HEATR1: variants seen among roughly 807,000 people sequenced by gnomAD.
HEATR1 encodes the protein HEAT repeat containing 1, also known as HEAT repeat-containing protein 1.
Under a neutral mutation model 248.2 loss-of-function variants are expected in HEATR1, and 77 were observed. The ratio of observed to expected loss-of-function variants is 0.31; its 90% confidence interval spans 0.26 to 0.37. The LOEUF (loss-of-function observed/expected upper bound fraction) is 0.37, where lower values mean the gene tolerates loss of function less well. HEATR1 is among the 10% of genes least tolerant of loss of function. The pLI, the probability that HEATR1 is intolerant of heterozygous loss-of-function variation, is 1.00. For missense variants in HEATR1, 2,420 were observed against 2,504.9 expected, an observed-to-expected ratio of 0.97 and a Z score of 0.72; for synonymous variants, 897 against 923.1, an observed-to-expected ratio of 0.97 and a Z score of 0.51.
Position 236,549,056 on chromosome 1 carries a change from C to T in HEATR1, c.*1846G>A. ...ACAAAGTAAGGTCAGGATTAGACTT[C>T]AGGCATTCATAAGGCAGGCACTATC... On this transcript the variant is annotated 3_prime_UTR_variant, in exon 45 of 45. Coordinates refer to ENST00000366582, the MANE Select transcript of HEATR1 (RefSeq NM_018072.6). 1 of 398,542 alleles carries T rather than the reference C, an allele frequency of 2.5e-6. No individual in the cohort carries two copies. The highest frequency in any genetic ancestry group is 1.3e-4 in the South Asian group (1 of 7,852). The allele number at this position is 398,542 out of a possible 1,614,324, so 24.7% of individuals were successfully genotyped here. A position where few individuals can be genotyped will look rare whatever the true frequency, so the allele number is the denominator to read the frequency against.
At chr1:236,561,342 A>G in intron 32 of HEATR1, 71 bp from the exon 33 acceptor site, 1 of 1,224,180 alleles carries the variant, frequency 8.2e-7, no homozygotes, top group Non-Finnish European at 1.2e-6. Flanking sequence ...AGTCAGTTCA[A>G]TGAAACTCGG....
intron 41 of HEATR1, among the ~76,000 whole-genome samples, chr1:236,554,955 A>G (rs930030792): frequency 2.6e-5 from 4 of 152,080 alleles, no homozygotes; most frequent in Non-Finnish European, 5.9e-5. Context: ...TCTAACACTC[A>G]CTCTGGCAAG....
At position 236,554,702 on chromosome 1, in the gene HEATR1, A is replaced by G. The variant is rs543980783; in HGVS notation, c.5974T>C (p.Leu1992=). 2.7e-5 allele frequency: 44 copies of G among 1,613,538 alleles called. No homozygotes were observed. The highest frequency in any genetic ancestry group is 7.7e-5 in the South Asian group (7 of 90,822). ...ENDPEKCCLL[L]QFILNCLYKI... ...TATAAACAGTTCAAAATAAACTGCA[A>G]CAGCAAGCAGCACTTTTCAGGGTCA... Residue 1992 remains leucine (L), a synonymous_variant, in exon 42 of 45, where the codon TTG becomes CTG. Coordinates refer to ENST00000366582, the MANE Select transcript of HEATR1 (RefSeq NM_018072.6).
Position 236,587,404 on chromosome 1 carries a change from T to C in HEATR1, c.1713A>G (p.Glu571=). Residue 571 remains glutamate, a splice_region_variant and synonymous_variant, in exon 14 of 45, where the codon GAA becomes GAG. Coordinates refer to ENST00000366582, the MANE Select transcript of HEATR1 (RefSeq NM_018072.6). ...FQRAELSKNG[E]WYEVLKIAAD... is the part of the protein sequence containing the mutation. The stretch of plus-strand genomic sequence containing the variant: ...TATGAGGAGAAATGAATACATACCA[T>C]TCTCCATTCTTTGAAAGTTCTGCTC... 6.8e-7 allele frequency: 1 copy of C among 1,470,558 alleles called. No individual in the cohort carries two copies. 91.1% of individuals were successfully genotyped at this position (1,470,558 alleles called of 1,614,324 possible). A position where few individuals can be genotyped will look rare whatever the true frequency, so the allele number is the denominator to read the frequency against.
chr1:236,600,829 C>G (rs1230467787), intron 3 of HEATR1, among the ~76,000 whole-genome samples: 1 of 152,216 alleles, frequency 6.6e-6, no homozygotes, highest in Admixed American at 6.5e-5. Context: ...GCCACTGAAC[C>G]CAGCCTCTTA....
intron 23 of HEATR1, 66 bp from the exon 24 acceptor site, chr1:236,574,399 A>G (rs1558184199): frequency 1.3e-6 from 2 of 1,498,196 alleles, no homozygotes; most frequent in Non-Finnish European, 9.1e-7. Context: ...AATAATTTTT[A>G]TATCAACCTC....
intron 35 of HEATR1, 85 bp downstream of exon 35, chr1:236,558,910 C>T (rs887401136): frequency 1.3e-5 from 15 of 1,138,868 alleles, no homozygotes; most frequent in Non-Finnish European, 2.5e-6. Context: ...TGAAATTGTA[C>T]CACTAGAGAA....
chr1:236,582,900 G>A (rs1177693763), intron 18 of HEATR1, 28 bp from the exon 19 acceptor site: 5 of 1,611,990 alleles, frequency 3.1e-6, no homozygotes, highest in Non-Finnish European at 4.2e-6. Context: ...GAGAAATGAT[G>A]CTAGATCCTA....
chr1:236,604,110 G>A lies in HEATR1; in HGVS notation c.-15C>T. 1.9e-6 allele frequency: 3 copies of A among 1,545,882 alleles called. No homozygotes were observed. The highest frequency in any genetic ancestry group is 4.8e-5 in the East Asian group (2 of 41,880). On this transcript the variant is annotated 5_prime_UTR_variant, in exon 2 of 45. Coordinates refer to ENST00000366582, the MANE Select transcript of HEATR1 (RefSeq NM_018072.6). Reference sequence around the variant, plus strand: ...AAGGACGTCATCTTTCACGCCAGCGGAGTTTTAATGACACGGGCTAAAAAA... The same window carrying A: ...AAGGACGTCATCTTTCACGCCAGCGAAGTTTTAATGACACGGGCTAAAAAA...
intron 3 of HEATR1, among the ~76,000 whole-genome samples, chr1:236,600,241 C>T (rs1558193978): frequency 6.7e-6 from 1 of 149,918 alleles, no homozygotes; most frequent in African/African-American, 2.5e-5. Context: ...ATTCTCCTGC[C>T]TCCGCCTCCC....
In HEATR1 at chr1:236,590,865, C is replaced by A; in HGVS notation, c.1512G>T (p.Lys504Asn). ...VRILAMNHLK[K>N]IMKTSKEGVD... ...AACAAACCTTTGATGTTTTCATGAT[C>A]TTTTTCAAATGATTCATGGCCAGAA... The change falls in exon 12 of 45, where the codon AAG (lysine) becomes AAT (asparagine). Residue 504 changes from lysine to asparagine, a missense_variant. Lys to Asn is a moderately conservative substitution (Grantham distance 94). Transcript: ENST00000366582. The A allele has an allele frequency of 1.3e-6, 2 of 1,506,276 alleles. No homozygotes were observed. The highest frequency in any genetic ancestry group is 8.9e-7 in the Non-Finnish European group (1 of 1,118,206). The allele number at this position is 1,506,276 out of a possible 1,614,324, so 93.3% of individuals were successfully genotyped here.
intron 32 of HEATR1, 140 bp from the exon 33 acceptor site, chr1:236,561,411 C>T (rs1663129701): frequency 1.4e-6 from 1 of 707,604 alleles, no homozygotes; most frequent in South Asian, 1.7e-5. Context: ...TAATCAGGTT[C>T]ATATCATCTT....
At position 236,572,708 on chromosome 1, in the gene HEATR1, G is replaced by C. The variant is rs201586092; in HGVS notation, c.3563+17C>G. 2.5e-4 allele frequency: 404 copies of C among 1,609,348 alleles called. 2 individuals are homozygous for C. The highest frequency in any genetic ancestry group is 4.9e-4 in the Middle Eastern group (3 of 6,066). On this transcript the variant is annotated intron_variant, in intron 25 of 44. Transcript: ENST00000366582. ...CAGGGAACAACAGCATGTGCTCAAT[G>C]CATTTGTAGCTCTTACTTCTGCTGC...
rs1664019707 is a variant in HEATR1, at chr1:236,590,929, AAAG to A, written c.1445_1447del (p.Ser482del). On this transcript the variant is annotated inframe_deletion, in exon 12 of 45. Transcript: ENST00000366582. ...AAGTGGATGATTCAGGCTGAGCATC[AAAG>A]AAGTATCAGAATCTGCTAAAAACTA... The A allele has an allele frequency of 5.3e-6, 8 of 1,502,038 alleles. No individual in the cohort carries two copies. The highest frequency in any genetic ancestry group is 1.8e-4 in the Middle Eastern group (1 of 5,684). The allele number at this position is 1,502,038 out of a possible 1,614,324, so 93.0% of individuals were successfully genotyped here. A position where few individuals can be genotyped will look rare whatever the true frequency, so the allele number is the denominator to read the frequency against.
chr1:236,596,825 G>T lies in HEATR1; in HGVS notation c.744+11C>A. On this transcript the variant is annotated intron_variant, in intron 6 of 44. Coordinates refer to ENST00000366582, the MANE Select transcript of HEATR1 (RefSeq NM_018072.6). ...ACAAAATAATCTACTTAACACATCA[G>T]CAGTGCCAACCTTTTGGATATAGGG... The T allele has an allele frequency of 6.2e-7, 1 of 1,603,242 alleles. No individual in the cohort carries two copies. Among genetic ancestry groups the T allele is most frequent in the South Asian group, 1.1e-5 (1 of 88,952 alleles).
In HEATR1 at chr1:236,549,815, C is replaced by T. The variant is rs1454099082; in HGVS notation, c.*1087G>A. ...AAGTCTTAAGTTCATTTTCATTTTA[C>T]GTGGAGGAAAAAAATTTAAAAAGCT... On this transcript the variant is annotated 3_prime_UTR_variant, in exon 45 of 45. Coordinates refer to ENST00000366582, the MANE Select transcript of HEATR1 (RefSeq NM_018072.6). 7 of 152,166 alleles carry T rather than the reference C, an allele frequency of 4.6e-5. No homozygotes were observed. In the East Asian group the frequency reaches 1.3e-3, roughly 29 times the overall value. The allele number at this position is 152,166 out of a possible 1,614,324, so 9.4% of individuals were successfully genotyped here. A position where few individuals can be genotyped will look rare whatever the true frequency, so the allele number is the denominator to read the frequency against.
chr1:236,572,462 TTC>T lies in HEATR1; in HGVS notation c.3654_3655del (p.Lys1219AlafsTer13). Reference sequence around the variant, plus strand: ...CACCAATATCTGAGGACTTCTGAGCTTCTTTTTGTGCTGCAGTAATTCCAGGA... The same window carrying T: ...CACCAATATCTGAGGACTTCTGAGCTTTTTTGTGCTGCAGTAATTCCAGGA... On this transcript the variant is annotated frameshift_variant, in exon 26 of 45. Coordinates refer to ENST00000366582, the MANE Select transcript of HEATR1 (RefSeq NM_018072.6). LOFTEE classifies it high-confidence loss of function. 1 of 1,614,134 alleles carries T rather than the reference TTC, an allele frequency of 6.2e-7. No individual in the cohort carries two copies. The highest frequency in any genetic ancestry group is 8.5e-7 in the Non-Finnish European group (1 of 1,179,984).
Position 236,583,182 on chromosome 1 carries a change from T to C in HEATR1, c.2256A>G (p.Glu752=). The C allele has an allele frequency of 6.3e-7, 1 of 1,590,100 alleles. No homozygotes were observed. The change falls in exon 18 of 45, where the codon GAA becomes GAG. Residue 752 remains glutamate, a synonymous_variant. Coordinates refer to ENST00000366582, the MANE Select transcript of HEATR1 (RefSeq NM_018072.6). ...SVITAVEIPS[E]WHIELMLDRG... ...TGTCTAACATCAGTTCAATGTGCCA[T>C]TCTGAGGGGATTTCCTGAAATGTTA...
chr1:236,581,695 A>C (rs1375865632), intron 19 of HEATR1, among the ~76,000 whole-genome samples: 1 of 152,198 alleles, frequency 6.6e-6, no homozygotes, highest in African/African-American at 2.4e-5. Flanking sequence ...ATACTTCAAC[A>C]ATGTGCTGAG....
Sources: allele counts gnomAD v4.1 joint callset (sites outside exome capture counted in the v4.1 genomes callset), GRCh38; gene constraint gnomAD v4.1.1; transcripts MANE v1.5; gene names NCBI Gene and HGNC (gene_info 2026-07-23, HGNC 2026-07-21).